The following FILIP1L variants were observed in gnomAD, a reference collection of about 807,000 sequenced individuals.
FILIP1L encodes filamin A interacting protein 1 like.
Under a neutral mutation model 96.6 loss-of-function variants are expected in FILIP1L, and 55 were observed. The ratio of observed to expected loss-of-function variants is 0.57; its 90% confidence interval spans 0.46 to 0.71. FILIP1L has a LOEUF of 0.71. Ranked by LOEUF, FILIP1L falls within the 30% of genes least tolerant of loss-of-function variation. FILIP1L has a pLI of 0.00. For synonymous variants in FILIP1L, 467 were observed against 473.9 expected (o/e 0.99, Z 0.19); for missense variants, 1,304 against 1,321.2 (o/e 0.99, Z 0.20).
chr3:99,832,956 T>C (rs1553686332), intron 5 of FILIP1L, among the ~76,000 whole-genome samples: 2 of 151,852 alleles, frequency 1.3e-5, no homozygotes, highest in African/African-American at 2.4e-5. Flanking sequence ...ATCATTTTTA[T>C]AGAGCGTTAT....
chr3:99,855,752 T>C (rs887270874), intron 4 of FILIP1L, among the ~76,000 whole-genome samples: 2 of 152,248 alleles, frequency 1.3e-5, no homozygotes, highest in Non-Finnish European at 2.9e-5. Flanking sequence ...TTTGTTCTTA[T>C]ATCTGCCAAA....
At chr3:99,903,313 G>T (rs916491003) in intron 4 of FILIP1L, among the ~76,000 whole-genome samples, 1 of 151,762 alleles carries the variant, frequency 6.6e-6, no homozygotes, top group Non-Finnish European at 1.5e-5. Flanking sequence ...GTGCAGTGGC[G>T]TGATCTCAGC....
chr3:99,883,010 T>C (rs1309314226), intron 4 of FILIP1L, among the ~76,000 whole-genome samples: 1 of 148,618 alleles, frequency 6.7e-6, no homozygotes, highest in African/African-American at 2.4e-5. Flanking sequence ...GCTTGCCAAT[T>C]GGGGGTTCTG....
At chr3:100,020,244 TA>T (rs1281132287) in intron 1 of FILIP1L, among the ~76,000 whole-genome samples, 2 of 152,224 alleles carry the variant, frequency 1.3e-5, no homozygotes, top group Non-Finnish European at 2.9e-5. Flanking sequence ...CTTTGCAATT[TA>T]CTTCACTATT....
chr3:99,911,473 A>C (rs1414824228), intron 4 of FILIP1L, among the ~76,000 whole-genome samples: 2 of 152,042 alleles, frequency 1.3e-5, no homozygotes, highest in African/African-American at 4.8e-5. Context: ...ATTTTTCTGC[A>C]TGACGAATGT....
intron 1 of FILIP1L, among the ~76,000 whole-genome samples, chr3:100,028,287 A>T (rs2064963992): frequency 6.6e-6 from 1 of 152,130 alleles, no homozygotes; most frequent in Non-Finnish European, 1.5e-5. Context: ...AACCTATCAA[A>T]CCCAGGCTGT....
chr3:99,886,995 G>T (rs1705922417), intron 4 of FILIP1L, among the ~76,000 whole-genome samples: 1 of 134,722 alleles, frequency 7.4e-6, no homozygotes, highest in Non-Finnish European at 1.6e-5. Context: ...GTACTGGCCG[G>T]GTGTGGTGGC....
intron 1 of FILIP1L, among the ~76,000 whole-genome samples, chr3:99,945,237 T>C (rs540643546): frequency 1.3e-5 from 2 of 152,328 alleles, no homozygotes; most frequent in South Asian, 2.1e-4. Context: ...AAGGGCCATC[T>C]CCACCCTTTC....
At chr3:99,855,803 C>T (rs1035061343) in intron 4 of FILIP1L, among the ~76,000 whole-genome samples, 4 of 152,204 alleles carry the variant, frequency 2.6e-5, no homozygotes, top group African/African-American at 7.2e-5. Flanking sequence ...ACATTTTTAA[C>T]TGGCATCTAG....
chr3:100,061,811 C>G (rs2065571518), intron 1 of FILIP1L, among the ~76,000 whole-genome samples: 1 of 152,178 alleles, frequency 6.6e-6, no homozygotes, highest in Non-Finnish European at 1.5e-5. Context: ...ATATCAGAGG[C>G]AAGATTTGAA....
At position 99,929,822 on chromosome 3, in the gene FILIP1L, CCT is replaced by C. The variant is rs1360190263; in HGVS notation, c.426+32_426+33del. On this transcript the variant is annotated intron_variant, in intron 3 of 5. Coordinates refer to ENST00000477258, the MANE Select transcript of FILIP1L (RefSeq NM_001387850.1). Reference sequence around the variant, plus strand: ...CATCTGCAGGGCTAGTGCTTGGCTGCCTCCCAGGTACACACCCCTATTGTGGT... The same window carrying C: ...CATCTGCAGGGCTAGTGCTTGGCTGCCCCAGGTACACACCCCTATTGTGGT... 9 of 1,526,252 alleles carry C rather than the reference CCT, an allele frequency of 5.9e-6. No homozygotes were observed. The African/African-American group carries it at 1.3e-4, about 21-fold the overall frequency. The allele number at this position is 1,526,252 out of a possible 1,614,324, so 94.5% of individuals were successfully genotyped here. A position where few individuals can be genotyped will look rare whatever the true frequency, so the allele number is the denominator to read the frequency against.
chr3:99,941,800 A>G (rs1448310706), intron 1 of FILIP1L, among the ~76,000 whole-genome samples: 1 of 152,204 alleles, frequency 6.6e-6, no homozygotes, highest in Non-Finnish European at 1.5e-5. Flanking sequence ...ATATTGATTT[A>G]TCTATTATAT....
chr3:99,950,303 A>G (rs1277729684), intron 1 of FILIP1L, among the ~76,000 whole-genome samples: 2 of 152,182 alleles, frequency 1.3e-5, no homozygotes, highest in African/African-American at 4.8e-5. Flanking sequence ...CTCTTACTAA[A>G]TGTTAGAAAT....
chr3:100,029,647 T>C (rs1032142996), intron 1 of FILIP1L, among the ~76,000 whole-genome samples: 7 of 152,336 alleles, frequency 4.6e-5, no homozygotes, highest in Admixed American at 2.6e-4. Context: ...AGCAGTTTAC[T>C]GACATTCCAT....
At chr3:99,941,344 C>G (rs1707845114) in intron 1 of FILIP1L, among the ~76,000 whole-genome samples, 1 of 152,116 alleles carries the variant, frequency 6.6e-6, no homozygotes, top group Non-Finnish European at 1.5e-5. Flanking sequence ...AAATAATGTT[C>G]AATGCACAAA....
intron 1 of FILIP1L, among the ~76,000 whole-genome samples, chr3:100,037,959 G>GTT (rs1392685507): frequency 3.2e-5 from 3 of 92,404 alleles, no homozygotes; most frequent in South Asian, 3.3e-4. Flanking sequence ...TTTTTTTTGG[G>GTT]GGGGGAGGGA....
chr3:100,053,411 G>A (rs1413243734), intron 1 of FILIP1L, among the ~76,000 whole-genome samples: 1 of 152,132 alleles, frequency 6.6e-6, no homozygotes, highest in Non-Finnish European at 1.5e-5. Flanking sequence ...TCCTTGGCTT[G>A]TGGCAGCATA....
At chr3:99,890,191 T>C (rs893796247) in intron 4 of FILIP1L, among the ~76,000 whole-genome samples, 2 of 152,140 alleles carry the variant, frequency 1.3e-5, no homozygotes, top group Non-Finnish European at 2.9e-5. Flanking sequence ...ATTGAAGATA[T>C]TATTCCACCA....
In FILIP1L at chr3:100,078,807, C is replaced by G. The variant is rs1028852194; in HGVS notation, c.-11+35246G>C. Among the ~76,000 whole-genome samples, 6 of 152,166 alleles carry G rather than the reference C, an allele frequency of 3.9e-5. No homozygotes were observed. In the East Asian group the frequency reaches 1.2e-3, roughly 29 times the overall value. ...TCGGGAGGCTAAGGCCGGAAAATCC[C>G]TTGAACCTGGGAGGTGGAGGCTGCA... On this transcript the variant is annotated intron_variant, in intron 1 of 5. Coordinates refer to ENST00000477258, the MANE Select transcript of FILIP1L (RefSeq NM_001387850.1).
Sources: allele counts gnomAD v4.1 joint callset (sites outside exome capture counted in the v4.1 genomes callset), GRCh38; gene constraint gnomAD v4.1.1; transcripts MANE v1.5; gene names NCBI Gene and HGNC (gene_info 2026-07-23, HGNC 2026-07-21).